Variants in MRPL40 observed in about 807,000 individuals in gnomAD.
MRPL40 encodes the protein mitochondrial ribosomal protein L40, also known as large ribosomal subunit protein mL40.
Under a neutral mutation model 24.5 loss-of-function variants are expected in MRPL40, and 18 were observed. The ratio of observed to expected loss-of-function variants is 0.73; its 90% CI spans 0.51 to 1.09. MRPL40 has a LOEUF of 1.09. Ranked by LOEUF, MRPL40 falls within the 50% of genes least tolerant of loss-of-function variation. MRPL40 has a pLI of 0.00. For missense variants in MRPL40, 256 were observed against 243.8 expected (o/e 1.05, Z -0.33); for synonymous variants, 108 against 94.6 (o/e 1.14, Z -0.82).
chr22:19,433,923 C>T (rs781630965), intron 2 of MRPL40, among the ~76,000 whole-genome samples: 10 of 152,012 alleles, frequency 6.6e-5, no homozygotes, highest in South Asian at 2.1e-4. Flanking sequence ...CTACCACGCC[C>T]GGCTAATTTT....
intron 2 of MRPL40, among the ~76,000 whole-genome samples, chr22:19,434,138 C>T (rs770279351): frequency 6.6e-6 from 1 of 151,714 alleles, no homozygotes; most frequent in Non-Finnish European, 1.5e-5. Context: ...GAGTGTAATC[C>T]CAAGGCACAC....
chr22:19,435,239 T>C (rs536047015), intron 3 of MRPL40, among the ~76,000 whole-genome samples: 2 of 152,326 alleles, frequency 1.3e-5, no homozygotes, highest in African/African-American at 4.8e-5. Flanking sequence ...TAGAAAACCC[T>C]TGGCCTCCTG....
At chr22:19,435,486 C>G in intron 3 of MRPL40, 152 bp from the exon 4 acceptor site, 1 of 736,846 alleles carries the variant, frequency 1.4e-6, no homozygotes, top group Non-Finnish European at 2.3e-6. Context: ...TCAGTTGCAG[C>G]TGCAGCCACA....
intron 3 of MRPL40, 133 bp downstream of exon 3, chr22:19,435,027 C>G (rs761421804): frequency 9.4e-6 from 7 of 748,604 alleles, no homozygotes; most frequent in Non-Finnish European, 1.5e-5. Flanking sequence ...CTAATGAGTC[C>G]TTGCTCCTTT....
chr22:19,434,911 A>G lies in MRPL40; in HGVS notation c.296+17A>G. On this transcript the variant is annotated intron_variant, in intron 3 of 3. Transcript: ENST00000333130. ...TAAAGCAAGGTAAGGATCCTTCTCT[A>G]GGGATGAAGTCCTCAGGACAAAGGA... is the stretch of plus-strand genomic sequence containing the variant. 2 of 1,573,444 alleles carry G rather than the reference A, an allele frequency of 1.3e-6. No individual in the cohort carries two copies. The highest frequency in any genetic ancestry group is 1.7e-6 in the Non-Finnish European group (2 of 1,164,874).
intron 2 of MRPL40, among the ~76,000 whole-genome samples, chr22:19,434,120 TCACTTTTGAGTGTAATCC>T (rs2089570293): frequency 6.6e-6 from 1 of 151,952 alleles, no homozygotes; most frequent in African/African-American, 2.4e-5. Flanking sequence ...TTTGGTATTT[TCACTTTTGAGTGTAATCC>T]CAAGGCACAC....
At chr22:19,434,684 T>G in intron 2 of MRPL40, 52 bp from the exon 3 acceptor site, 1 of 1,453,830 alleles carries the variant, frequency 6.9e-7, no homozygotes, top group Non-Finnish European at 9.3e-7. Flanking sequence ...TGTCTCTCAG[T>G]AGGTTCATGA....
chr22:19,436,034 C>T lies in MRPL40; in HGVS notation c.*72C>T, dbSNP rs1176059855. 2 of 1,197,902 alleles carry T rather than the reference C, an allele frequency of 1.7e-6. No individual in the cohort carries two copies. Among genetic ancestry groups the T allele is most frequent in the African/African-American group, 1.5e-5 (1 of 65,464 alleles). 74.2% of individuals were successfully genotyped at this position (1,197,902 alleles called of 1,614,324 possible). The stretch of plus-strand genomic sequence containing the variant: ...GACCAGGGTTCAAGTCTGCTTTCCA[C>T]AGAATCAGGCATGCTGTTAATAAAT... On this transcript the variant is annotated 3_prime_UTR_variant, in exon 4 of 4. Coordinates refer to ENST00000333130, the MANE Select transcript of MRPL40 (RefSeq NM_003776.4).
At chr22:19,433,569 TCTC>T (rs2089565578) in intron 2 of MRPL40, among the ~76,000 whole-genome samples, 1 of 152,340 alleles carries the variant, frequency 6.6e-6, no homozygotes, top group African/African-American at 2.4e-5. Flanking sequence ...AAGTAAGTAT[TCTC>T]CTTGAAGGGA....
At position 19,435,344 on chromosome 22, in the gene MRPL40, C is replaced by G. The variant is rs549120294; in HGVS notation, c.297-294C>G. On this transcript the variant is annotated intron_variant, in intron 3 of 3. Coordinates refer to ENST00000333130, the MANE Select transcript of MRPL40 (RefSeq NM_003776.4). ...CTGCCGTTTTGTAAGCAGTGTGCACCATCTATAAAGGGGCAGGTGTTAAAA... is the reference window on the plus strand; with the variant it reads ...CTGCCGTTTTGTAAGCAGTGTGCACGATCTATAAAGGGGCAGGTGTTAAAA... Among the ~76,000 whole-genome samples, 7 of 152,278 alleles carry G rather than the reference C, an allele frequency of 4.6e-5. No individual in the cohort carries two copies. In the South Asian group the frequency reaches 1.4e-3, roughly 32 times the overall value.
At chr22:19,433,071 C>T (rs2089558637) in intron 1 of MRPL40, 194 bp from the exon 2 acceptor site, 20 of 504,106 alleles carry the variant, frequency 4.0e-5, no homozygotes, top group South Asian at 3.9e-4. Flanking sequence ...GGATTACAGG[C>T]GCCCAACACC....
At position 19,435,699 on chromosome 22, in the gene MRPL40, A is replaced by T; in HGVS notation, c.358A>T (p.Lys120Ter). ...ETERRALLLKKWSLYKQQERK... is the reference protein window; with the variant it reads ...ETERRALLLK ...TGAGAGGAGAGCTCTGCTTCTGAAGAAGTGGTCCTTGTACAAGCAGCAAGA... is the reference window on the plus strand; with the variant it reads ...TGAGAGGAGAGCTCTGCTTCTGAAGTAGTGGTCCTTGTACAAGCAGCAAGA... Residue 120 changes from lysine to a stop codon, truncating the protein, a stop_gained, in exon 4 of 4, where the codon AAG (lysine) becomes TAG (stop). Coordinates refer to ENST00000333130, the MANE Select transcript of MRPL40 (RefSeq NM_003776.4). LOFTEE classifies it high-confidence loss of function. The T allele has an allele frequency of 6.2e-7, 1 of 1,614,126 alleles. No individual in the cohort carries two copies. Among genetic ancestry groups the T allele is most frequent in the Non-Finnish European group, 8.5e-7 (1 of 1,180,024 alleles).
chr22:19,433,325 T>C lies in MRPL40; in HGVS notation c.114T>C (p.Ser38=). Residue 38 remains serine, a synonymous_variant, in exon 2 of 4, where the codon TCT becomes TCC. Coordinates refer to ENST00000333130, the MANE Select transcript of MRPL40 (RefSeq NM_003776.4). Reference sequence around the variant, plus strand: ...CTCACCAGCGAGCGTCATTGTTGTCTTTCTGGGAACTCATTCCCATGAGGT... The same window carrying C: ...CTCACCAGCGAGCGTCATTGTTGTCCTTCTGGGAACTCATTCCCATGAGGT... ...RETHQRASLL[S]FWELIPMRSE... 3.7e-6 allele frequency: 6 copies of C among 1,612,360 alleles called. No individual in the cohort carries two copies. The highest frequency in any genetic ancestry group is 2.2e-5 in the East Asian group (1 of 44,844).
At position 19,433,255 on chromosome 22, in the gene MRPL40, T is replaced by C; in HGVS notation, c.54-10T>C. 6.3e-7 allele frequency: 1 copy of C among 1,592,060 alleles called. No homozygotes were observed. The highest frequency in any genetic ancestry group is 8.6e-7 in the Non-Finnish European group (1 of 1,160,370). ...AAGCAGATATTTATACATACTCTTG[T>C]ATCTTTCAGGCTTCTGGGAACTTGG... On this transcript the variant is annotated splice_polypyrimidine_tract_variant and intron_variant, in intron 1 of 3. Transcript: ENST00000333130.
chr22:19,433,082 A>G, intron 1 of MRPL40, 183 bp from the exon 2 acceptor site: 1 of 510,750 alleles, frequency 2.0e-6, no homozygotes, highest in Non-Finnish European at 3.4e-6. Context: ...GCCCAACACC[A>G]CGCCCGGCTA....
chr22:19,433,388 T>TGTCA, intron 2 of MRPL40, 40 bp downstream of exon 2: 1 of 1,203,130 alleles, frequency 8.3e-7, no homozygotes, highest in Non-Finnish European at 1.2e-6. Context: ...GGGGTAAAGG[T>TGTCA]GTCAGTCTAT....
At position 19,436,038 on chromosome 22, in the gene MRPL40, A is replaced by AT. The variant is rs2089586693; in HGVS notation, c.*77dup. On this transcript the variant is annotated 3_prime_UTR_variant, in exon 4 of 4. Coordinates refer to ENST00000333130, the MANE Select transcript of MRPL40 (RefSeq NM_003776.4). ...AGGGTTCAAGTCTGCTTTCCACAGA[A>AT]TCAGGCATGCTGTTAATAAATACTG... 1 of 1,211,330 alleles carries AT rather than the reference A, an allele frequency of 8.3e-7. No individual in the cohort carries two copies. Among genetic ancestry groups the AT allele is most frequent in the Admixed American group, 2.2e-5 (1 of 45,988 alleles). 75.0% of individuals were successfully genotyped at this position (1,211,330 alleles called of 1,614,324 possible).
Position 19,435,856 on chromosome 22 carries a change from A to G in MRPL40, c.515A>G (p.Glu172Gly). 6.2e-7 allele frequency: 1 copy of G among 1,614,180 alleles called. No homozygotes were observed. Among genetic ancestry groups the G allele is most frequent in the Non-Finnish European group, 8.5e-7 (1 of 1,180,026 alleles). Residue 172 changes from glutamate (E) to glycine (G), a missense_variant, in exon 4 of 4, where the codon GAG (glutamate) becomes GGG (glycine). By Grantham distance (98) the Glu-to-Gly change is moderately conservative. Transcript: ENST00000333130. ...CGGGATCCTAACCTGTTCCCCTTTG[A>G]GAAGGAAGGGCCACATTACACACCA... ...IKRDPNLFPF[E>G]KEGPHYTPPI...
chr22:19,433,254 G>C lies in MRPL40; in HGVS notation c.54-11G>C. 6.3e-7 allele frequency: 1 copy of C among 1,589,074 alleles called. No homozygotes were observed. The highest frequency in any genetic ancestry group is 8.6e-7 in the Non-Finnish European group (1 of 1,157,728). The stretch of plus-strand genomic sequence containing the variant: ...GAAGCAGATATTTATACATACTCTT[G>C]TATCTTTCAGGCTTCTGGGAACTTG... On this transcript the variant is annotated splice_polypyrimidine_tract_variant and intron_variant, in intron 1 of 3. Coordinates refer to ENST00000333130, the MANE Select transcript of MRPL40 (RefSeq NM_003776.4).
Sources: allele counts gnomAD v4.1 joint callset (sites outside exome capture counted in the v4.1 genomes callset), GRCh38; gene constraint gnomAD v4.1.1; transcripts MANE v1.5; gene names NCBI Gene and HGNC (gene_info 2026-07-23, HGNC 2026-07-21).